Variants in CASZ1 observed in about 807,000 individuals in gnomAD.
The protein encoded by CASZ1 is castor zinc finger 1.
A neutral mutation model predicts 135.2 loss-of-function variants in CASZ1; 28 were observed. The ratio of observed to expected loss-of-function variants is 0.21; its 90% CI spans 0.15 to 0.28. The LOEUF (loss-of-function observed/expected upper bound fraction) is 0.28, where lower values mean the gene tolerates loss of function less well. Among genes scored for constraint, CASZ1 ranks in the 10% least tolerant of loss-of-function variants. The pLI is 1.00. For missense variants in CASZ1, 2,161 were observed against 2,453.3 expected (o/e 0.88, Z 2.52); for synonymous variants, 1,068 against 1,073.4 (o/e 0.99, Z 0.10).
At position 10,747,571 on chromosome 1, in the gene CASZ1, G is replaced by A. The variant is rs1640067722; in HGVS notation, c.-77+13130C>T. Among the ~76,000 whole-genome samples, 1 of 152,174 alleles carries A rather than the reference G, an allele frequency of 6.6e-6. No homozygotes were observed. On this transcript the variant is annotated intron_variant, in intron 2 of 20. Coordinates refer to ENST00000377022, the MANE Select transcript of CASZ1 (RefSeq NM_001079843.3). This position sits in a 1 kb window ranked among gnomAD's most constrained non-coding sequence, Gnocchi z 4.3. Reference sequence around the variant, plus strand: ...GGGCTTTGCAGAGTGGGGAGAAGGTGAGGTGGGCTCAGGGTCCCTAATCAA... The same window carrying A: ...GGGCTTTGCAGAGTGGGGAGAAGGTAAGGTGGGCTCAGGGTCCCTAATCAA...
intron 5 of CASZ1, chr1:10,660,801 G>A (rs1041470059): frequency 3.9e-6 from 2 of 519,114 alleles, no homozygotes; most frequent in Non-Finnish European, 6.8e-6. Context: ...TCTGGCCGAT[G>A]GCTTTTCAGT....
chr1:10,724,835 G>T lies in CASZ1; in HGVS notation c.-76-19291C>A, dbSNP rs1167721644. 1.3e-5 allele frequency among the ~76,000 whole-genome samples: 2 copies of T among 152,198 alleles called. No individual in the cohort carries two copies. Among genetic ancestry groups the T allele is most frequent in the Admixed American group, 6.5e-5 (1 of 15,282 alleles). On this transcript the variant is annotated intron_variant, in intron 2 of 20. Transcript: ENST00000377022. This position sits in a 1 kb window ranked among gnomAD's most constrained non-coding sequence, Gnocchi z 4.1. The stretch of plus-strand genomic sequence containing the variant: ...GAGCCTCGGAGGATGACATAAGGGG[G>T]ACACAGCCAACCTGGGGAAGAGAAG...
chr1:10,769,815 C>T (rs570787825), intron 1 of CASZ1, among the ~76,000 whole-genome samples: 1 of 152,090 alleles, frequency 6.6e-6, no homozygotes, highest in Non-Finnish European at 1.5e-5. Flanking sequence ...CCACACCTGG[C>T]CAGAAGTAAT....
At chr1:10,670,985 C>T (rs906018598) in intron 4 of CASZ1, among the ~76,000 whole-genome samples, 1 of 152,340 alleles carries the variant, frequency 6.6e-6, no homozygotes, top group East Asian at 1.9e-4. Flanking sequence ...AGCCAGGGCC[C>T]GAGGGGTTCA....
At chr1:10,764,555 G>A (rs1374059658) in intron 1 of CASZ1, among the ~76,000 whole-genome samples, 3 of 152,216 alleles carry the variant, frequency 2.0e-5, no homozygotes, top group Non-Finnish European at 4.4e-5. Flanking sequence ...GGGAGGGCGG[G>A]CATGGAGACA....
rs935518801 is a variant in CASZ1 at position 10,767,493 on chromosome 1, C to T, written c.-233-6636G>A. ...GCACAGGCTTCCCCTATTGCAAAGC[C>T]AGGCCCAGGGAGGCCGGGAAGCAGA... On this transcript the variant is annotated intron_variant, in intron 1 of 20. Coordinates refer to ENST00000377022, the MANE Select transcript of CASZ1 (RefSeq NM_001079843.3). The surrounding 1 kb of genome is among the most constrained non-coding windows in gnomAD (Gnocchi z 4.2). Among the ~76,000 whole-genome samples the T allele has an allele frequency of 3.3e-5, 5 of 152,196 alleles. No homozygotes were observed. The highest frequency in any genetic ancestry group is 2.6e-4 in the Admixed American group (4 of 15,286).
chr1:10,656,550 T>C (rs1172814588), intron 8 of CASZ1, 96 bp downstream of exon 8: 5 of 924,586 alleles, frequency 5.4e-6, no homozygotes, highest in Non-Finnish European at 6.8e-6. Context: ...CAACTAGAAC[T>C]AACCCCCCCC....
chr1:10,789,517 C>T (rs11121622), intron 1 of CASZ1, among the ~76,000 whole-genome samples: 2 of 151,910 alleles, frequency 1.3e-5, no homozygotes, highest in Non-Finnish European at 1.5e-5. Flanking sequence ...AGGAGCGACA[C>T]GTCCCTGTCT....
At chr1:10,791,990 G>A (rs1396539772) in intron 1 of CASZ1, among the ~76,000 whole-genome samples, 3 of 151,706 alleles carry the variant, frequency 2.0e-5, no homozygotes, top group Admixed American at 6.6e-5. Context: ...TTTTCTACTC[G>A]TAAGCCTCTG....
rs1378818690 is a variant in CASZ1 at position 10,794,904 on chromosome 1, C to T, written c.-234+1660G>A. Among the ~76,000 whole-genome samples the T allele has an allele frequency of 1.3e-5, 2 of 151,070 alleles. No homozygotes were observed. The highest frequency in any genetic ancestry group is 4.8e-5 in the African/African-American group (2 of 41,300). On this transcript the variant is annotated intron_variant, in intron 1 of 20. Coordinates refer to ENST00000377022, the MANE Select transcript of CASZ1 (RefSeq NM_001079843.3). The surrounding 1 kb of genome is among the most constrained non-coding windows in gnomAD (Gnocchi z 5.6). ...CAACCGCCCGCCCGCCCGCGCCCGG[C>T]CAGCCCCCGCCAGCGGCCCCAGCGC... is the stretch of plus-strand genomic sequence containing the variant.
rs185538147 is a variant in CASZ1, at chr1:10,739,230, G to A, written c.-77+21471C>T. 3.9e-5 allele frequency among the ~76,000 whole-genome samples: 6 copies of A among 152,184 alleles called. No individual in the cohort carries two copies. The highest frequency in any genetic ancestry group is 6.5e-5 in the Admixed American group (1 of 15,296). On this transcript the variant is annotated intron_variant, in intron 2 of 20. Transcript: ENST00000377022. The surrounding 1 kb of genome is among the most constrained non-coding windows in gnomAD (Gnocchi z 4.8). Reference sequence around the variant, plus strand: ...AGCGTGCGGTGCAACCTGCAGCTGCGGGACGGGTGCATTCACGAGGGGGGT... The same window carrying A: ...AGCGTGCGGTGCAACCTGCAGCTGCAGGACGGGTGCATTCACGAGGGGGGT...
chr1:10,768,548 C>T (rs1377928311), intron 1 of CASZ1, among the ~76,000 whole-genome samples: 1 of 152,164 alleles, frequency 6.6e-6, no homozygotes, highest in African/African-American at 2.4e-5. Flanking sequence ...TCAACCAAGG[C>T]CCTCCTCTCC....
In CASZ1 at chr1:10,741,293, C is replaced by T. The variant is rs1221162429; in HGVS notation, c.-77+19408G>A. The stretch of plus-strand genomic sequence containing the variant: ...CCACTGCGCCTGGCTCTATATTGGG[C>T]TTTAAACGACATGAGGGCAGGGACT... On this transcript the variant is annotated intron_variant, in intron 2 of 20. Transcript: ENST00000377022. This position sits in a 1 kb window ranked among gnomAD's most constrained non-coding sequence, Gnocchi z 5.0. 6.6e-6 allele frequency among the ~76,000 whole-genome samples: 1 copy of T among 152,190 alleles called. No homozygotes were observed. The highest frequency in any genetic ancestry group is 6.5e-5 in the Admixed American group (1 of 15,274).
rs552266818 is a variant in CASZ1 at position 10,717,593 on chromosome 1, A to G, written c.-76-12049T>C. On this transcript the variant is annotated intron_variant, in intron 2 of 20. Transcript: ENST00000377022. The surrounding 1 kb of genome is among the most constrained non-coding windows in gnomAD (Gnocchi z 4.6). ...CCCCCTCCAACCAGTTCAGATTTCC[A>G]GCTGCTCAGACACTTTGGGATCAGA... Among the ~76,000 whole-genome samples, 297 of 152,188 alleles carry G rather than the reference A, an allele frequency of 2.0e-3. No individual in the cohort carries two copies. The highest frequency in any genetic ancestry group is 3.4e-3 in the Middle Eastern group (1 of 294).
rs554202893 is a variant in CASZ1, at chr1:10,756,208, G to A, written c.-77+4493C>T. Among the ~76,000 whole-genome samples the A allele has an allele frequency of 2.0e-4, 30 of 152,166 alleles. No homozygotes were observed. Among genetic ancestry groups the A allele is most frequent in the Non-Finnish European group, 3.2e-4 (22 of 67,982 alleles). ...CCAGCCTGCACTTCTGCTCTCTCCC[G>A]TTGCTGCCTCTGGAGGTCAGGCCTC... On this transcript the variant is annotated intron_variant, in intron 2 of 20. Coordinates refer to ENST00000377022, the MANE Select transcript of CASZ1 (RefSeq NM_001079843.3). The surrounding 1 kb of genome is among the most constrained non-coding windows in gnomAD (Gnocchi z 5.9).
At chr1:10,738,310 C>T (rs149482925) in intron 2 of CASZ1, among the ~76,000 whole-genome samples, 13 of 152,326 alleles carry the variant, frequency 8.5e-5, no homozygotes, top group South Asian at 4.1e-4. Context: ...GTCTCAGTCC[C>T]GGGACGCTGA....
chr1:10,655,491 G>A (rs1019940230), intron 9 of CASZ1, among the ~76,000 whole-genome samples, 158 bp downstream of exon 9: 3 of 152,212 alleles, frequency 2.0e-5, no homozygotes, highest in South Asian at 2.1e-4. Context: ...CTCCTGGCTC[G>A]CTGGCCATCC....
intron 3 of CASZ1, among the ~76,000 whole-genome samples, chr1:10,698,181 G>A (rs1011595567): frequency 3.3e-5 from 5 of 152,242 alleles, no homozygotes; most frequent in Non-Finnish European, 5.9e-5. Context: ...TGGCACAGCC[G>A]CACGCTCGGC....
chr1:10,684,149 G>A (rs1234708394), intron 4 of CASZ1, among the ~76,000 whole-genome samples: 1 of 147,566 alleles, frequency 6.8e-6, no homozygotes, highest in Non-Finnish European at 1.5e-5. Context: ...GGCTCTCTCG[G>A]AAGGAAGGCG....
Sources: gnomAD v4.1 joint callset for allele counts (sites outside exome capture counted in the v4.1 genomes callset) on GRCh38, gnomAD v4.1.1 for gene constraint, Gnocchi (gnomAD v3.1) non-coding constraint, MANE v1.5 for transcripts, NCBI Gene and HGNC (gene_info 2026-07-23, HGNC 2026-07-21) for gene names.